The following TRIM44 variants were observed in gnomAD, a reference collection of about 807,000 sequenced individuals.
The protein encoded by TRIM44 is tripartite motif-containing protein 44.
Under a neutral mutation model 37.4 loss-of-function variants are expected in TRIM44, and 13 were observed. That is an observed-to-expected ratio of 0.35 (90% CI 0.23 to 0.55). The LOEUF is 0.55. TRIM44 is among the 20% of genes least tolerant of loss of function. The pLI, the probability that TRIM44 is intolerant of heterozygous loss-of-function variation, is 0.89. For synonymous variants in TRIM44, 175 were observed against 157.2 expected, an observed-to-expected ratio of 1.11 and a Z score of -0.85; for missense variants, 426 against 437.2, an observed-to-expected ratio of 0.97 and a Z score of 0.23.
intron 2 of TRIM44, among the ~76,000 whole-genome samples, chr11:35,701,242 A>G (rs1851783533): frequency 6.6e-6 from 1 of 152,210 alleles, no homozygotes; most frequent in Admixed American, 6.5e-5. Context: ...CTGGGGTTCC[A>G]TGAGGAAAAC....
At chr11:35,665,272 G>C (rs1048167064) in intron 1 of TRIM44, among the ~76,000 whole-genome samples, 2 of 151,762 alleles carry the variant, frequency 1.3e-5, no homozygotes, top group African/African-American at 4.8e-5. Flanking sequence ...CTGTGTCAGA[G>C]GCTATGCATA....
chr11:35,786,160 G>T (rs1853128524), intron 4 of TRIM44, among the ~76,000 whole-genome samples: 1 of 152,112 alleles, frequency 6.6e-6, no homozygotes, highest in African/African-American at 2.4e-5. Context: ...TATTACCCTT[G>T]TGCCCATTGT....
At chr11:35,788,241 G>A (rs1309935329) in intron 4 of TRIM44, among the ~76,000 whole-genome samples, 1 of 152,146 alleles carries the variant, frequency 6.6e-6, no homozygotes, top group Non-Finnish European at 1.5e-5. Context: ...TTTGGGTGGG[G>A]AAAGAGAAAG....
At chr11:35,700,495 A>G (rs897405550) in intron 2 of TRIM44, among the ~76,000 whole-genome samples, 1 of 152,200 alleles carries the variant, frequency 6.6e-6, no homozygotes, top group Non-Finnish European at 1.5e-5. Context: ...CTATTTTTTC[A>G]GTAGTCTCAA....
chr11:35,757,077 A>C (rs1338917000), intron 4 of TRIM44, among the ~76,000 whole-genome samples: 1 of 152,178 alleles, frequency 6.6e-6, no homozygotes, highest in Non-Finnish European at 1.5e-5. Flanking sequence ...TTTCAGAAGG[A>C]ATGGTACCAG....
At chr11:35,722,649 C>T (rs1195654939) in intron 2 of TRIM44, among the ~76,000 whole-genome samples, 1 of 152,208 alleles carries the variant, frequency 6.6e-6, no homozygotes, top group Non-Finnish European at 1.5e-5. Flanking sequence ...CACCAGAGGT[C>T]ATTCTCATCG....
intron 4 of TRIM44, among the ~76,000 whole-genome samples, chr11:35,740,815 A>G (rs538631032): frequency 7.9e-5 from 12 of 152,274 alleles, no homozygotes; most frequent in African/African-American, 2.6e-4. Flanking sequence ...GAAGGAATAC[A>G]AGTCTTTTAT....
At chr11:35,694,926 A>G (rs1851677761) in intron 2 of TRIM44, among the ~76,000 whole-genome samples, 1 of 152,168 alleles carries the variant, frequency 6.6e-6, no homozygotes, top group South Asian at 2.1e-4. Flanking sequence ...AATACACTGT[A>G]GCATAATAAC....
At chr11:35,694,844 T>C (rs1851676909) in intron 2 of TRIM44, among the ~76,000 whole-genome samples, 1 of 152,062 alleles carries the variant, frequency 6.6e-6, no homozygotes. Flanking sequence ...TCTTAGATGA[T>C]CCGGTCTTTG....
At chr11:35,664,878 A>T (rs1385576341) in intron 1 of TRIM44, among the ~76,000 whole-genome samples, 1 of 152,210 alleles carries the variant, frequency 6.6e-6, no homozygotes, top group African/African-American at 2.4e-5. Context: ...AAGTAAGCAT[A>T]ATCTTGACTT....
intron 4 of TRIM44, among the ~76,000 whole-genome samples, chr11:35,765,952 G>C (rs1466713494): frequency 6.6e-6 from 1 of 152,188 alleles, no homozygotes; most frequent in Non-Finnish European, 1.5e-5. Flanking sequence ...GAGTGGTAAG[G>C]AAAGGATATG....
intron 2 of TRIM44, among the ~76,000 whole-genome samples, chr11:35,714,702 A>G (rs1852017275): frequency 6.6e-6 from 1 of 152,226 alleles, no homozygotes; most frequent in South Asian, 2.1e-4. Flanking sequence ...ATTCAAGTCT[A>G]ACTTATTTTA....
chr11:35,778,800 C>T (rs1853014357), intron 4 of TRIM44, among the ~76,000 whole-genome samples: 1 of 152,200 alleles, frequency 6.6e-6, no homozygotes, highest in South Asian at 2.1e-4. Context: ...CTGATCCTTC[C>T]TTTGGAAGCT....
intron 2 of TRIM44, among the ~76,000 whole-genome samples, chr11:35,693,158 C>T (rs577126437): frequency 3.3e-5 from 5 of 152,010 alleles, no homozygotes; most frequent in South Asian, 4.2e-4. Flanking sequence ...CAAGACTCAG[C>T]GATTGTAACA....
chr11:35,767,776 T>C (rs1346111324), intron 4 of TRIM44, among the ~76,000 whole-genome samples: 1 of 152,210 alleles, frequency 6.6e-6, no homozygotes, highest in Non-Finnish European at 1.5e-5. Flanking sequence ...ACTTAACCTC[T>C]GTGAACTTTT....
At chr11:35,805,556 G>A (rs1853436214) in intron 4 of TRIM44, among the ~76,000 whole-genome samples, 1 of 152,142 alleles carries the variant, frequency 6.6e-6, no homozygotes, top group South Asian at 2.1e-4. Context: ...GGGCAGTAAT[G>A]ACTGACCAGT....
chr11:35,688,409 C>T (rs1042892252), intron 2 of TRIM44, among the ~76,000 whole-genome samples: 1 of 152,062 alleles, frequency 6.6e-6, no homozygotes, highest in Admixed American at 6.5e-5. Flanking sequence ...ATAATACATA[C>T]TTATAGATTT....
chr11:35,757,374 C>G, intron 4 of TRIM44, among the ~76,000 whole-genome samples: 1 of 151,968 alleles, frequency 6.6e-6, no homozygotes, highest in East Asian at 1.9e-4. Flanking sequence ...TTTATTGCGT[C>G]TATTTGATTC....
Position 35,672,709 on chromosome 11 carries a change from T to A in TRIM44, c.669+8929T>A, listed in dbSNP as rs1851411268. 3.9e-5 allele frequency among the ~76,000 whole-genome samples: 6 copies of A among 152,294 alleles called. No homozygotes were observed. The East Asian group carries it at 1.2e-3, about 29-fold the overall frequency. On this transcript the variant is annotated intron_variant, in intron 1 of 4. Transcript: ENST00000299413. Reference sequence around the variant, plus strand: ...AGGTATGCCGTAGTATATTCCATAGTGGTCAGTGAATCTGGCTTTTCATTC... The same window carrying A: ...AGGTATGCCGTAGTATATTCCATAGAGGTCAGTGAATCTGGCTTTTCATTC...
Sources: allele counts gnomAD v4.1 joint callset (sites outside exome capture counted in the v4.1 genomes callset), GRCh38; gene constraint gnomAD v4.1.1; transcripts MANE v1.5; gene names NCBI Gene and HGNC (gene_info 2026-07-23, HGNC 2026-07-21).